Variants in ATAD5 observed in about 807,000 individuals in gnomAD.
ATAD5 encodes ATPase family AAA domain-containing protein 5.
Under a neutral mutation model 176.9 loss-of-function variants are expected in ATAD5, and 58 were observed. The ratio of observed to expected loss-of-function variants is 0.33; its 90% CI spans 0.27 to 0.41. ATAD5 has a LOEUF of 0.41. Ranked by LOEUF, ATAD5 falls within the 10% of genes least tolerant of loss-of-function variation. The pLI, the probability that ATAD5 is intolerant of heterozygous loss-of-function variation, is 1.00. For synonymous variants in ATAD5, 640 were observed against 712.6 expected, an observed-to-expected ratio of 0.90 and a Z score of 1.62; for missense variants, 1,789 against 2,094.1, an observed-to-expected ratio of 0.85 and a Z score of 2.84.
At chr17:30,881,985 C>A (rs1048790125) in intron 18 of ATAD5, among the ~76,000 whole-genome samples, 1 of 141,440 alleles carries the variant, frequency 7.1e-6, no homozygotes, top group Non-Finnish European at 1.5e-5. Flanking sequence ...CTAGGCCGGG[C>A]GCAGTGGCTC....
chr17:30,891,544 T>A lies in ATAD5; in HGVS notation c.4259-1063T>A, dbSNP rs191130960. On this transcript the variant is annotated intron_variant, in intron 19 of 22. Coordinates refer to ENST00000321990, the MANE Select transcript of ATAD5 (RefSeq NM_024857.5). ...GCACCACTATGCCCAGCTAATTTTT[T>A]ATATTTTTAGTAGAGATGGGGTTTT... Among the ~76,000 whole-genome samples the A allele has an allele frequency of 2.1e-3, 323 of 151,274 alleles. 3 individuals are homozygous for A. The highest frequency in any genetic ancestry group is 7.3e-3 in the African/African-American group (303 of 41,250).
chr17:30,880,608 CAA>C (rs199862765), intron 18 of ATAD5, among the ~76,000 whole-genome samples: 16 of 79,196 alleles, frequency 2.0e-4, no homozygotes, highest in Non-Finnish European at 1.9e-4. Flanking sequence ...AACTACATCT[CAA>C]AAAAAAAAAA....
intron 18 of ATAD5, among the ~76,000 whole-genome samples, chr17:30,885,395 T>C (rs1368727411): frequency 2.6e-5 from 4 of 152,132 alleles, no homozygotes; most frequent in Admixed American, 6.5e-5. Flanking sequence ...CGAACAGAGA[T>C]AGTTTTCTTT....
rs1033223169 is a variant in ATAD5 at position 30,868,313 on chromosome 17, A to G, written c.3234-20A>G. The G allele has an allele frequency of 4.5e-6, 7 of 1,543,512 alleles. No individual in the cohort carries two copies. In the African/African-American group the frequency reaches 9.8e-5, roughly 22 times the overall value. ...TAGCTATATTCTGTGAATTATTTTT[A>G]TTATGTTTTCTTGTGGCAGTTGGTT... On this transcript the variant is annotated intron_variant, in intron 11 of 22. Transcript: ENST00000321990.
intron 14 of ATAD5, among the ~76,000 whole-genome samples, chr17:30,874,025 TGTG>T (rs1338166724): frequency 1.3e-5 from 2 of 151,482 alleles, no homozygotes; most frequent in East Asian, 2.0e-4. Flanking sequence ...ATTAGCCAGG[TGTG>T]GTGGTGCACA....
chr17:30,872,146 C>A (rs1366318078), intron 14 of ATAD5, among the ~76,000 whole-genome samples: 1 of 152,108 alleles, frequency 6.6e-6, no homozygotes, highest in African/African-American at 2.4e-5. Context: ...AACTCCTGGC[C>A]TCCAGCAGTC....
chr17:30,860,054 C>T (rs1241234421), intron 9 of ATAD5, among the ~76,000 whole-genome samples: 4 of 151,820 alleles, frequency 2.6e-5, no homozygotes. Flanking sequence ...GACAGGGTCT[C>T]ACTTTGTCGC....
At chr17:30,869,155 C>G in intron 12 of ATAD5, 93 bp from the exon 13 acceptor site, 1 of 1,426,308 alleles carries the variant, frequency 7.0e-7, no homozygotes, top group Non-Finnish European at 9.6e-7. Flanking sequence ...GCATCTATTG[C>G]AAGAAGTTTG....
intron 14 of ATAD5, among the ~76,000 whole-genome samples, chr17:30,874,631 T>TTATTTATTTATA (rs1908554250): frequency 6.7e-6 from 1 of 150,236 alleles, no homozygotes; most frequent in African/African-American, 2.4e-5. Flanking sequence ...ATTTATTTAT[T>TTATTTATTTATA]TATTTATTTA....
At chr17:30,872,712 C>T (rs529801919) in intron 14 of ATAD5, among the ~76,000 whole-genome samples, 4 of 152,038 alleles carry the variant, frequency 2.6e-5, no homozygotes, top group South Asian at 2.1e-4. Context: ...CTCGCCATCA[C>T]GCACAGCTAA....
Position 30,893,426 on chromosome 17 carries a change from A to C in ATAD5, c.4573A>C (p.Thr1525Pro), listed in dbSNP as rs1211678949. Reference protein sequence around the residue: ...LPLPVDTIPETKNFCGPSVTV... With the variant: ...LPLPVDTIPEPKNFCGPSVTV... Reference sequence around the variant, plus strand: ...ATTACCAGTTGATACCATTCCAGAAACTAAAAACTTTTGTGGCCCATCAGT... The same window carrying C: ...ATTACCAGTTGATACCATTCCAGAACCTAAAAACTTTTGTGGCCCATCAGT... The change falls in exon 21 of 23, where the codon ACT (threonine) becomes CCT (proline). Residue 1525 changes from threonine to proline, a missense_variant. Around this residue, in one of 6 missense-constraint regions of ATAD5, gnomAD observed 403 missense variants for 495.1 expected, o/e 0.81. Transcript: ENST00000321990. 1.9e-6 allele frequency: 3 copies of C among 1,613,758 alleles called. No individual in the cohort carries two copies. Among genetic ancestry groups the C allele is most frequent in the Non-Finnish European group, 2.5e-6 (3 of 1,179,760 alleles).
In ATAD5 at chr17:30,856,919, T is replaced by C. The variant is rs761123726; in HGVS notation, c.2636-36T>C. Reference sequence around the variant, plus strand: ...ATTCAGTAAATGGATAGTGTATAAATAAGGTTTATTAAGATATTTGTCTAT... The same window carrying C: ...ATTCAGTAAATGGATAGTGTATAAACAAGGTTTATTAAGATATTTGTCTAT... On this transcript the variant is annotated intron_variant, in intron 7 of 22. Coordinates refer to ENST00000321990, the MANE Select transcript of ATAD5 (RefSeq NM_024857.5). The C allele has an allele frequency of 4.0e-5, 60 of 1,514,782 alleles. 1 individual carries two copies. Among genetic ancestry groups the C allele is most frequent in the Admixed American group, 7.3e-5 (3 of 41,234 alleles). 93.8% of individuals were successfully genotyped at this position (1,514,782 alleles called of 1,614,324 possible).
intron 13 of ATAD5, 48 bp from the exon 14 acceptor site, chr17:30,869,448 G>A (rs770140212): frequency 3.6e-5 from 58 of 1,606,132 alleles, no homozygotes; most frequent in Middle Eastern, 3.3e-4. Context: ...GGATTAAAAG[G>A]AAACATAAAC....
intron 6 of ATAD5, among the ~76,000 whole-genome samples, chr17:30,845,264 C>T (rs1835558342): frequency 6.6e-6 from 1 of 152,142 alleles, no homozygotes. Flanking sequence ...TCCCTGTCCT[C>T]CTGTGGCTTA....
intron 6 of ATAD5, among the ~76,000 whole-genome samples, chr17:30,851,736 C>T (rs1250586229): frequency 6.6e-6 from 1 of 152,078 alleles, no homozygotes; most frequent in Non-Finnish European, 1.5e-5. Context: ...GTATGCACCA[C>T]CACACCTGGC....
intron 3 of ATAD5, among the ~76,000 whole-genome samples, chr17:30,839,793 C>G (rs1905988766): frequency 1.3e-5 from 2 of 149,934 alleles, no homozygotes; most frequent in Non-Finnish European, 3.0e-5. Flanking sequence ...CATGTTGACC[C>G]AGGGATGTCT....
chr17:30,860,624 A>G lies in ATAD5; in HGVS notation c.3136+12A>G. 1 of 1,533,200 alleles carries G rather than the reference A, an allele frequency of 6.5e-7. No individual in the cohort carries two copies. Among genetic ancestry groups the G allele is most frequent in the Non-Finnish European group, 8.7e-7 (1 of 1,149,622 alleles). 95.0% of individuals were successfully genotyped at this position (1,533,200 alleles called of 1,614,324 possible). ...AGATTCTTCCAAAGGTATATTTTCT[A>G]AAACATCCCAAAAGAAATAGATTGC... On this transcript the variant is annotated intron_variant, in intron 10 of 22. Transcript: ENST00000321990.
rs1837509433 is a variant in ATAD5 at position 30,855,262 on chromosome 17, T to C, written c.2570T>C (p.Leu857Pro). 6.2e-7 allele frequency: 1 copy of C among 1,614,054 alleles called. No individual in the cohort carries two copies. The highest frequency in any genetic ancestry group is 1.3e-5 in the African/African-American group (1 of 74,946). Residue 857 changes from leucine to proline, a missense_variant, in exon 7 of 23, where the codon CTG (leucine) becomes CCG (proline). Leu to Pro is a moderately conservative substitution (Grantham distance 98). Transcript: ENST00000321990. ...CAAATTGCAAAGAAAGCTGCTGCGCTGGATGTGTACAATGCAGTGAGTACC... is the reference window on the plus strand; with the variant it reads ...CAAATTGCAAAGAAAGCTGCTGCGCCGGATGTGTACAATGCAGTGAGTACC... ...KRQIAKKAAA[L>P]DVYNAVSTSF...
intron 7 of ATAD5, 116 bp downstream of exon 7, chr17:30,855,443 T>C (rs1240598874): frequency 8.9e-7 from 1 of 1,127,942 alleles, no homozygotes; most frequent in Non-Finnish European, 1.2e-6. Flanking sequence ...ATGGTGACTT[T>C]AGTGGGAATT....
Sources: allele counts gnomAD v4.1 joint callset (sites outside exome capture counted in the v4.1 genomes callset), GRCh38; gene constraint gnomAD v4.1.1; regional missense constraint gnomAD v4.1.1; transcripts MANE v1.5; gene names NCBI Gene and HGNC (gene_info 2026-07-23, HGNC 2026-07-21).